SYNGR4: variants seen among roughly 807,000 people sequenced by gnomAD.
The protein encoded by SYNGR4 is synaptogyrin 4.
A neutral mutation model predicts 15.5 loss-of-function variants in SYNGR4; 15 were observed. The ratio of observed to expected loss-of-function variants is 0.97; its 90% CI spans 0.65 to 1.49. The LOEUF (loss-of-function observed/expected upper bound fraction) is 1.49, where lower values mean the gene tolerates loss of function less well. Among genes scored for constraint, SYNGR4 ranks in the 40% most tolerant of loss-of-function variants. The pLI is 0.00. For synonymous variants in SYNGR4, 121 were observed against 127.4 expected (o/e 0.95, Z 0.34); for missense variants, 292 against 299.3 (o/e 0.98, Z 0.18).
In SYNGR4 at chr19:48,375,621, G is replaced by T. The variant is rs145925477; in HGVS notation, c.340G>T (p.Ala114Ser). The change falls in exon 4 of 5, where the codon GCA becomes TCA. Residue 114 changes from alanine to serine, a missense_variant. Ala to Ser is a moderately conservative substitution (Grantham distance 99, BLOSUM62 1). Transcript: ENST00000344846. ...LLDFILAVLW[A>S]VVWFMGFCFL... ...TCCCTGTGACGCCACAGTTCTCTGG[G>T]CAGTTGTCTGGTTCATGGGTTTCTG... 20 of 1,613,314 alleles carry T rather than the reference G, an allele frequency of 1.2e-5. No homozygotes were observed. The highest frequency in any genetic ancestry group is 1.6e-5 in the Non-Finnish European group (19 of 1,179,508).
rs1261648970 is a variant in SYNGR4 at position 48,375,619 on chromosome 19, G to T, written c.338G>T (p.Trp113Leu). Residue 113 changes from tryptophan (W) to leucine (L), a missense_variant, in exon 4 of 5, where the codon TGG becomes TTG. Coordinates refer to ENST00000344846, the MANE Select transcript of SYNGR4 (RefSeq NM_012451.4). ...QLLDFILAVL[W>L]AVVWFMGFCF... The stretch of plus-strand genomic sequence containing the variant: ...TCTCCCTGTGACGCCACAGTTCTCT[G>T]GGCAGTTGTCTGGTTCATGGGTTTC... 6.2e-7 allele frequency: 1 copy of T among 1,613,366 alleles called. No individual in the cohort carries two copies. Among genetic ancestry groups the T allele is most frequent in the Admixed American group, 1.7e-5 (1 of 59,982 alleles).
chr19:48,373,531 C>T lies in SYNGR4; in HGVS notation c.108C>T (p.Ile36=), dbSNP rs377269157. The T allele has an allele frequency of 6.2e-6, 10 of 1,613,474 alleles. No individual in the cohort carries two copies. The highest frequency in any genetic ancestry group is 4.0e-5 in the African/African-American group (3 of 74,906). ...GAAATCCACAGGTCTTCTCCCTGAT[C>T]GTCTTCTCCTCCCTGCTGACCGACG... ...TRVFEGVFSL[I]VFSSLLTDGY... is the part of the protein sequence containing the mutation. Residue 36 remains isoleucine, a synonymous_variant, in exon 3 of 5, where the codon ATC becomes ATT. Transcript: ENST00000344846.
chr19:48,376,112 G>A lies in SYNGR4; in HGVS notation c.499G>A (p.Asp167Asn). The A allele has an allele frequency of 6.2e-7, 1 of 1,614,030 alleles. No homozygotes were observed. The highest frequency in any genetic ancestry group is 1.1e-5 in the South Asian group (1 of 91,080). The change falls in exon 5 of 5, where the codon GAC (aspartate) becomes AAC (asparagine). Residue 167 changes from aspartate to asparagine, a missense_variant. Coordinates refer to ENST00000344846, the MANE Select transcript of SYNGR4 (RefSeq NM_012451.4). ...WIFQAYLAFQ[D>N]LRNDAPVPYK... is the part of the protein sequence containing the mutation. ...ATTCCAGGCCTACCTGGCATTCCAG[G>A]ACCTCCGAAATGATGCTCCAGTCCC... is the stretch of plus-strand genomic sequence containing the variant.
chr19:48,373,860 C>T, intron 3 of SYNGR4, 106 bp downstream of exon 3: 1 of 1,141,690 alleles, frequency 8.8e-7, no homozygotes, highest in Non-Finnish European at 1.3e-6. Context: ...TAGCCGGCCT[C>T]CACCCTGACT....
At position 48,373,709 on chromosome 19, in the gene SYNGR4, A is replaced by T. The variant is rs771987838; in HGVS notation, c.286A>T (p.Thr96Ser). Residue 96 changes from threonine (T) to serine (S), a missense_variant, in exon 3 of 5, where the codon ACC becomes TCC. Coordinates refer to ENST00000344846, the MANE Select transcript of SYNGR4 (RefSeq NM_012451.4). The part of the protein sequence containing the change: ...LDTQETRIAG[T>S]RFKTAFQLLD... ...CACACAGGAGACCCGCATTGCCGGC[A>T]CCCGCTTCAAGACAGCCTTCCAGCT... 2 of 1,613,802 alleles carry T rather than the reference A, an allele frequency of 1.2e-6. No individual in the cohort carries two copies. The highest frequency in any genetic ancestry group is 4.5e-5 in the East Asian group (2 of 44,892).
At chr19:48,372,212 C>T (rs1970318356) in intron 2 of SYNGR4, among the ~76,000 whole-genome samples, 1 of 152,160 alleles carries the variant, frequency 6.6e-6, no homozygotes, top group Non-Finnish European at 1.5e-5. Flanking sequence ...ATTCGGCCAA[C>T]TCCTTATCCT....
intron 2 of SYNGR4, chr19:48,373,221 G>A (rs929645877): frequency 9.9e-6 from 4 of 404,982 alleles, no homozygotes; most frequent in African/African-American, 8.0e-5. Context: ...GCAGGGTGTG[G>A]AAAGACTCCC....
Position 48,373,518 on chromosome 19 carries a change from T to G in SYNGR4, c.95T>G (p.Val32Gly). ...PKTITRVFEG[V>G]FSLIVFSSLL... Reference sequence around the variant, plus strand: ...TCTCTGGCCCCTGGAAATCCACAGGTCTTCTCCCTGATCGTCTTCTCCTCC... The same window carrying G: ...TCTCTGGCCCCTGGAAATCCACAGGGCTTCTCCCTGATCGTCTTCTCCTCC... Residue 32 changes from valine (V) to glycine (G), a missense_variant and splice_region_variant, in exon 3 of 5, where the codon GTC (valine) becomes GGC (glycine). By Grantham distance (109) the Val-to-Gly change is moderately radical. Transcript: ENST00000344846. 1 of 1,612,978 alleles carries G rather than the reference T, an allele frequency of 6.2e-7. No individual in the cohort carries two copies. Among genetic ancestry groups the G allele is most frequent in the South Asian group, 1.1e-5 (1 of 91,068 alleles).
rs370952922 is a variant in SYNGR4, at chr19:48,373,433, C to T, written c.94-84C>T. 1.3e-3 allele frequency: 1,544 copies of T among 1,205,170 alleles called. 13 individuals carry two copies. The African/African-American group carries it at 0.016, about 12-fold the overall frequency. The allele number at this position is 1,205,170 out of a possible 1,614,324, so 74.7% of individuals were successfully genotyped here. A position where few individuals can be genotyped will look rare whatever the true frequency, so the allele number is the denominator to read the frequency against. On this transcript the variant is annotated intron_variant, in intron 2 of 4. Transcript: ENST00000344846. The stretch of plus-strand genomic sequence containing the variant: ...CCAGACGGACCAGTGACTGGGTATA[C>T]GGAAAGACCGACAGCACCAGGGAGG...
rs146615502 is a variant in SYNGR4, at chr19:48,373,582, G to A, written c.159G>A (p.Pro53=). 2.7e-5 allele frequency: 43 copies of A among 1,613,620 alleles called. No individual in the cohort carries two copies. The highest frequency in any genetic ancestry group is 1.6e-4 in the Middle Eastern group (1 of 6,084). ...GCTACCAGAACAAGATGGAGTCTCC[G>A]CAGCTCCACTGCATTCTCAACAGCA... is the stretch of plus-strand genomic sequence containing the variant. ...TDGYQNKMES[P]QLHCILNSNS... The change falls in exon 3 of 5, where the codon CCG becomes CCA. Residue 53 remains proline (P), a synonymous_variant. Coordinates refer to ENST00000344846, the MANE Select transcript of SYNGR4 (RefSeq NM_012451.4).
At position 48,375,656 on chromosome 19, in the gene SYNGR4, C is replaced by A. The variant is rs144457270; in HGVS notation, c.375C>A (p.Ala125=). Residue 125 remains alanine (A), a synonymous_variant, in exon 4 of 5, where the codon GCC becomes GCA. Transcript: ENST00000344846. The part of the protein sequence containing the change: ...VVWFMGFCFL[A]NQWQHSPPKE... ...GGTTCATGGGTTTCTGCTTCCTGGC[C>A]AACCAATGGCAGCATTCGCCGCCCA... 1,505 of 1,614,008 alleles carry A rather than the reference C, an allele frequency of 9.3e-4. 15 individuals are homozygous for A. The African/African-American group carries it at 0.018, about 19-fold the overall frequency.
intron 2 of SYNGR4, among the ~76,000 whole-genome samples, 160 bp downstream of exon 2, chr19:48,366,095 C>A (rs938536779): frequency 6.6e-6 from 1 of 152,202 alleles, no homozygotes; most frequent in Admixed American, 6.5e-5. Flanking sequence ...GAGCACCCCA[C>A]TATAGGCCCT....
At chr19:48,369,116 C>T (rs973442398) in intron 2 of SYNGR4, among the ~76,000 whole-genome samples, 8 of 152,206 alleles carry the variant, frequency 5.3e-5, no homozygotes, top group African/African-American at 1.9e-4. Context: ...CTCCTTCCAC[C>T]GTCCCTACCC....
chr19:48,364,756 G>A (rs1377557347), intron 1 of SYNGR4, among the ~76,000 whole-genome samples: 4 of 151,914 alleles, frequency 2.6e-5, no homozygotes, highest in African/African-American at 7.3e-5. Flanking sequence ...AACCTGAAAG[G>A]GATTATTCGG....
In SYNGR4 at chr19:48,376,178, ACCCT is replaced by A; in HGVS notation, c.569_572del (p.Leu190ProfsTer9). Reference sequence around the variant, plus strand: ...GGATGAGGGTGGCATGGTGCTGACCACCCTCCCCTTGCCCTCTGCCAACAGCCCT... The same window carrying A: ...GGATGAGGGTGGCATGGTGCTGACCACCCCTTGCCCTCTGCCAACAGCCCT... On this transcript the variant is annotated frameshift_variant, in exon 5 of 5. Transcript: ENST00000344846. LOFTEE classifies it low-confidence loss of function (END_TRUNC). 1 of 1,613,338 alleles carries A rather than the reference ACCCT, an allele frequency of 6.2e-7. No homozygotes were observed. Among genetic ancestry groups the A allele is most frequent in the South Asian group, 1.1e-5 (1 of 91,044 alleles).
rs1970207751 is a variant in SYNGR4 at position 48,365,830 on chromosome 19, GA to G, written c.-9del. 2.5e-6 allele frequency: 4 copies of G among 1,613,402 alleles called. No homozygotes were observed. The East Asian group carries it at 8.9e-5, about 36-fold the overall frequency. On this transcript the variant is annotated 5_prime_UTR_variant, in exon 2 of 5. Coordinates refer to ENST00000344846, the MANE Select transcript of SYNGR4 (RefSeq NM_012451.4). ...CTCCCACCTCCCAGTGGCCCCAAAG[GA>G]AAACAGCTGCCATGCACATCCCCAA... is the stretch of plus-strand genomic sequence containing the variant.
intron 2 of SYNGR4, among the ~76,000 whole-genome samples, chr19:48,371,136 T>A (rs1600944524): frequency 6.6e-6 from 1 of 152,306 alleles, no homozygotes; most frequent in East Asian, 1.9e-4. Context: ...AACCCTCCAG[T>A]GAGTTTCTCT....
rs1476837014 is a variant in SYNGR4 at position 48,365,846 on chromosome 19, C to T, written c.4C>T (p.His2Tyr). The change falls in exon 2 of 5, where the codon CAC becomes TAC. Residue 2 changes from histidine (H) to tyrosine (Y), a missense_variant. His to Tyr is a moderately conservative substitution (Grantham distance 83, BLOSUM62 2). Coordinates refer to ENST00000344846, the MANE Select transcript of SYNGR4 (RefSeq NM_012451.4). ...GCCCCAAAGGAAAACAGCTGCCATG[C>T]ACATCCCCAAAAGCCTCCAGGAGCT... Reference protein sequence around the residue: MHIPKSLQELAN... With the variant: MYIPKSLQELAN... 2.5e-6 allele frequency: 4 copies of T among 1,613,744 alleles called. No homozygotes were observed. Among genetic ancestry groups the T allele is most frequent in the South Asian group, 1.1e-5 (1 of 91,080 alleles).
chr19:48,369,620 C>T (rs1004829017), intron 2 of SYNGR4, among the ~76,000 whole-genome samples: 1 of 152,172 alleles, frequency 6.6e-6, no homozygotes, highest in Non-Finnish European at 1.5e-5. Context: ...TTGCCCCAGG[C>T]CATACAGCTG....
Sources: gnomAD v4.1 joint callset for allele counts (sites outside exome capture counted in the v4.1 genomes callset) on GRCh38, gnomAD v4.1.1 for gene constraint, MANE v1.5 for transcripts, NCBI Gene and HGNC (gene_info 2026-07-23, HGNC 2026-07-21) for gene names.